The following ERBIN variants were observed in gnomAD, a reference collection of about 807,000 sequenced individuals.
The protein encoded by ERBIN is erbb2 interacting protein.
Under a neutral mutation model 158.4 loss-of-function variants are expected in ERBIN, and 60 were observed. The observed-to-expected ratio is 0.38, with a 90% CI of 0.31 to 0.47. ERBIN has a LOEUF of 0.47. Among genes scored for constraint, ERBIN ranks in the 20% least tolerant of loss-of-function variants. ERBIN has a pLI of 0.99. For synonymous variants in ERBIN, 594 were observed against 557.2 expected (o/e 1.07, Z -0.93); for missense variants, 1,610 against 1,648.0 (o/e 0.98, Z 0.40).
rs900499906 is a variant in ERBIN, at chr5:66,074,933, T to C, written c.3757-91T>C. ...TGACTTAATTAGAATGTGAAAACTC[T>C]AGTGCTTTTGTAATGCTCCAAGAAG... On this transcript the variant is annotated intron_variant, in intron 22 of 25. Transcript: ENST00000284037. 6.2e-6 allele frequency: 7 copies of C among 1,120,304 alleles called. No homozygotes were observed. In the African/African-American group the frequency reaches 7.8e-5, roughly 12 times the overall value. 69.4% of individuals were successfully genotyped at this position (1,120,304 alleles called of 1,614,324 possible). A position where few individuals can be genotyped will look rare whatever the true frequency, so the allele number is the denominator to read the frequency against.
Position 65,929,637 on chromosome 5 carries a change from C to CTT in ERBIN, c.-58+2850_-58+2851dup, listed in dbSNP as rs762687200. On this transcript the variant is annotated intron_variant, in intron 1 of 25. Transcript: ENST00000284037. ...TCTAAAGATGTCTTTGTCTTTTCCT[C>CTT]TTTTTTTTTTTTTTTTTTTTCGAGA... 3.0e-3 allele frequency among the ~76,000 whole-genome samples: 371 copies of CTT among 121,640 alleles called. 6 individuals are homozygous for CTT. Among genetic ancestry groups the CTT allele is most frequent in the Middle Eastern group, 0.027 (6 of 220 alleles). The allele number at this position is 121,640 out of a possible 152,430, so 79.8% of individuals were successfully genotyped here.
intron 1 of ERBIN, among the ~76,000 whole-genome samples, chr5:65,981,868 C>T (rs1440408997): frequency 6.6e-6 from 1 of 152,030 alleles, no homozygotes; most frequent in Non-Finnish European, 1.5e-5. Flanking sequence ...TGTCACTTGC[C>T]CAACAAAACT....
rs760911935 is a variant in ERBIN, at chr5:66,082,043, G to A, written c.*3513G>A. ...TTCTTTACAGAATTCATAAGCCCAG[G>A]GGATAGTAAGTAGTCATTTAGTTTT... On this transcript the variant is annotated 3_prime_UTR_variant, in exon 26 of 26. Coordinates refer to ENST00000284037, the MANE Select transcript of ERBIN (RefSeq NM_001253697.2). The A allele has an allele frequency of 2.0e-5, 3 of 152,080 alleles. No homozygotes were observed. Among genetic ancestry groups the A allele is most frequent in the Non-Finnish European group, 4.4e-5 (3 of 68,006 alleles). The allele number at this position is 152,080 out of a possible 1,614,324, so 9.4% of individuals were successfully genotyped here. A position where few individuals can be genotyped will look rare whatever the true frequency, so the allele number is the denominator to read the frequency against.
At chr5:65,958,159 C>CCTCA (rs1329179890) in intron 1 of ERBIN, among the ~76,000 whole-genome samples, 10 of 151,908 alleles carry the variant, frequency 6.6e-5, no homozygotes, top group Non-Finnish European at 1.5e-4. Context: ...CAGAGGGGCT[C>CCTCA]CTCACATCCC....
At chr5:65,951,047 A>G (rs868665659) in intron 1 of ERBIN, among the ~76,000 whole-genome samples, 2 of 152,184 alleles carry the variant, frequency 1.3e-5, no homozygotes, top group Non-Finnish European at 2.9e-5. Flanking sequence ...CTGATCACCA[A>G]TCAAGTGTGT....
chr5:65,927,218 G>A (rs945420191), intron 1 of ERBIN, among the ~76,000 whole-genome samples: 3 of 152,178 alleles, frequency 2.0e-5, no homozygotes, highest in African/African-American at 7.2e-5. Context: ...TGCTGTTATT[G>A]AGATGGCTGC....
chr5:66,054,920 T>A lies in ERBIN; in HGVS notation c.3602T>A (p.Leu1201His). The A allele has an allele frequency of 6.3e-7, 1 of 1,594,090 alleles. No homozygotes were observed. The highest frequency in any genetic ancestry group is 8.6e-7 in the Non-Finnish European group (1 of 1,169,522). ...KVPRDWREQV[L>H]RHIEAKKLEK... ...CCTCGTGACTGGAGAGAACAAGTAC[T>A]TCGACATATTGAAGCCAAAAAGTTA... The change falls in exon 21 of 26, where the codon CTT becomes CAT. Residue 1201 changes from leucine (L) to histidine (H), a missense_variant. Around this residue, in one of 2 missense-constraint regions of ERBIN, gnomAD observed 1,014 missense variants for 936.1 expected, o/e 1.08. Transcript: ENST00000284037.
intron 21 of ERBIN, among the ~76,000 whole-genome samples, chr5:66,057,438 ACAG>A (rs905449408): frequency 7.2e-5 from 11 of 152,324 alleles, no homozygotes; most frequent in African/African-American, 1.4e-4. Flanking sequence ...TTTTTTTAAA[ACAG>A]CAGAATATTG....
At chr5:65,953,410 A>G (rs776536847) in intron 1 of ERBIN, among the ~76,000 whole-genome samples, 1 of 152,174 alleles carries the variant, frequency 6.6e-6, no homozygotes, top group African/African-American at 2.4e-5. Context: ...CTCTTGGCGC[A>G]ATAGACTCCT....
Position 66,082,122 on chromosome 5 carries a change from A to G in ERBIN, c.*3592A>G, listed in dbSNP as rs1762412418. 1 of 152,210 alleles carries G rather than the reference A, an allele frequency of 6.6e-6. No individual in the cohort carries two copies. The highest frequency in any genetic ancestry group is 1.5e-5 in the Non-Finnish European group (1 of 68,036). The allele number at this position is 152,210 out of a possible 1,614,324, so 9.4% of individuals were successfully genotyped here. A position where few individuals can be genotyped will look rare whatever the true frequency, so the allele number is the denominator to read the frequency against. On this transcript the variant is annotated 3_prime_UTR_variant, in exon 26 of 26. Transcript: ENST00000284037. ...TACAGTCTCATGAAGCAGTTTTTCA[A>G]GATTAGAATCTGTGGTCAGCTATAA... is the stretch of plus-strand genomic sequence containing the variant.
intron 1 of ERBIN, among the ~76,000 whole-genome samples, chr5:65,947,955 C>G (rs1000562979): frequency 6.7e-6 from 1 of 148,700 alleles, no homozygotes; most frequent in Non-Finnish European, 1.5e-5. Context: ...TGCAGTGAGC[C>G]GTGATAATGC....
intron 21 of ERBIN, among the ~76,000 whole-genome samples, chr5:66,063,506 A>T (rs770372628): frequency 1.3e-5 from 2 of 151,146 alleles, no homozygotes; most frequent in Non-Finnish European, 3.0e-5. Flanking sequence ...GCGATGCCTC[A>T]CCCTGCTTCG....
At chr5:65,998,093 G>A (rs955719566) in intron 4 of ERBIN, among the ~76,000 whole-genome samples, 1 of 151,866 alleles carries the variant, frequency 6.6e-6, no homozygotes, top group African/African-American at 2.4e-5. Context: ...CAGGCGTGGT[G>A]GCACGTGCCT....
chr5:65,977,656 G>A (rs944582967), intron 1 of ERBIN, among the ~76,000 whole-genome samples: 1 of 149,480 alleles, frequency 6.7e-6, no homozygotes, highest in African/African-American at 2.5e-5. Context: ...GGGCAGAGAC[G>A]CTCCTCACTT....
intron 1 of ERBIN, among the ~76,000 whole-genome samples, chr5:65,975,160 A>C (rs916485843): frequency 3.3e-5 from 5 of 152,124 alleles, no homozygotes; most frequent in Non-Finnish European, 4.4e-5. Context: ...GGCATGTGCC[A>C]CGATGCCCAG....
At chr5:65,984,020 C>T (rs1279551155) in intron 1 of ERBIN, among the ~76,000 whole-genome samples, 1 of 152,156 alleles carries the variant, frequency 6.6e-6, no homozygotes, top group Non-Finnish European at 1.5e-5. Flanking sequence ...CACCTGCTTC[C>T]CGTGTGGCAG....
At chr5:65,965,910 T>C (rs1748567930) in intron 1 of ERBIN, among the ~76,000 whole-genome samples, 1 of 152,228 alleles carries the variant, frequency 6.6e-6, no homozygotes, top group African/African-American at 2.4e-5. Context: ...TGTATCCTCT[T>C]GATAAATCCA....
chr5:65,992,153 G>GT (rs1312448138), intron 2 of ERBIN, among the ~76,000 whole-genome samples: 1 of 151,992 alleles, frequency 6.6e-6, no homozygotes, highest in East Asian at 1.9e-4. Context: ...TCAAAGCACA[G>GT]TTTTTTTTGT....
chr5:65,968,993 C>G (rs917865749), intron 1 of ERBIN, among the ~76,000 whole-genome samples: 2 of 152,190 alleles, frequency 1.3e-5, no homozygotes, highest in African/African-American at 4.8e-5. Context: ...TGAGAGGTCT[C>G]TTCCCTTCTT....
Sources: allele counts gnomAD v4.1 joint callset (sites outside exome capture counted in the v4.1 genomes callset), GRCh38; gene constraint gnomAD v4.1.1; regional missense constraint gnomAD v4.1.1; transcripts MANE v1.5; gene names NCBI Gene and HGNC (gene_info 2026-07-23, HGNC 2026-07-21).